PNRC1: variants seen among roughly 807,000 people sequenced by gnomAD.
The protein encoded by PNRC1 is proline rich nuclear receptor coactivator 1.
Under a neutral mutation model 20.2 loss-of-function variants are expected in PNRC1, and 6 were observed. That is an observed-to-expected ratio of 0.30 (90% CI 0.16 to 0.59). The LOEUF is 0.59. Ranked by LOEUF, PNRC1 falls within the 20% of genes least tolerant of loss-of-function variation. PNRC1 has a pLI of 0.89. For missense variants in PNRC1, 488 were observed against 430.2 expected, an observed-to-expected ratio of 1.13 and a Z score of -1.19; for synonymous variants, 202 against 186.9, an observed-to-expected ratio of 1.08 and a Z score of -0.66.
In PNRC1 at chr6:89,081,152, G is replaced by T; in HGVS notation, c.258G>T (p.Ala86=). 1 of 1,602,190 alleles carries T rather than the reference G, an allele frequency of 6.2e-7. No homozygotes were observed. Among genetic ancestry groups the T allele is most frequent in the Non-Finnish European group, 8.5e-7 (1 of 1,178,506 alleles). The part of the protein sequence containing the change: ...AALPNRSLAV[A]GGTPRAAPKK... ...TGCCCAACCGCAGCCTCGCCGTGGC[G>T]GGAGGCACTCCTCGGGCAGCGCCGA... is the stretch of plus-strand genomic sequence containing the variant. The change falls in exon 1 of 2, where the codon GCG becomes GCT. Residue 86 remains alanine, a synonymous_variant. Transcript: ENST00000336032.
chr6:89,081,902 G>A (rs1321770563), intron 1 of PNRC1: 1 of 152,452 alleles, frequency 6.6e-6, no homozygotes, highest in Non-Finnish European at 1.5e-5. Flanking sequence ...GCTATCGGGA[G>A]CCCCAGTCCT....
At position 89,081,030 on chromosome 6, in the gene PNRC1, C is replaced by G; in HGVS notation, c.136C>G (p.Pro46Ala). The G allele has an allele frequency of 6.2e-7, 1 of 1,611,716 alleles. No homozygotes were observed. The highest frequency in any genetic ancestry group is 8.5e-7 in the Non-Finnish European group (1 of 1,179,890). ...GGCTCCGCCTCCTTTACCCCGGATC[C>G]CGGACCCCCGGGCACTGCCCCCGAC... The part of the protein sequence containing the change: ...TTAPPPLPRI[P>A]DPRALPPTLF... Residue 46 changes from proline to alanine, a missense_variant, in exon 1 of 2, where the codon CCG (proline) becomes GCG (alanine). By Grantham distance (27) the Pro-to-Ala change is conservative. Coordinates refer to ENST00000336032, the MANE Select transcript of PNRC1 (RefSeq NM_006813.3).
chr6:89,081,327 G>A lies in PNRC1; in HGVS notation c.433G>A (p.Ala145Thr), dbSNP rs2231270. Residue 145 changes from alanine (A) to threonine (T), a missense_variant, in exon 1 of 2, where the codon GCC becomes ACC. Ala to Thr is a moderately conservative substitution (Grantham distance 58, BLOSUM62 0). Coordinates refer to ENST00000336032, the MANE Select transcript of PNRC1 (RefSeq NM_006813.3). ...SGAQEVPGPA[A>T]ALAPSPAAAA... Reference sequence around the variant, plus strand: ...AGCGCAGGAGGTCCCGGGCCCGGCCGCCGCCTTGGCCCCGAGTCCTGCAGC... The same window carrying A: ...AGCGCAGGAGGTCCCGGGCCCGGCCACCGCCTTGGCCCCGAGTCCTGCAGC... The A allele has an allele frequency of 1.4e-6, 2 of 1,462,424 alleles. No individual in the cohort carries two copies. Among genetic ancestry groups the A allele is most frequent in the South Asian group, 1.3e-5 (1 of 74,594 alleles). The allele number at this position is 1,462,424 out of a possible 1,614,324, so 90.6% of individuals were successfully genotyped here.
At chr6:89,081,476 C>T (rs979228885) in intron 1 of PNRC1, 42 bp downstream of exon 1, 14 of 941,780 alleles carry the variant, frequency 1.5e-5, no homozygotes, top group Admixed American at 1.9e-4. Context: ...GGCCCTTAGA[C>T]GGTCGCGGCC....
In PNRC1 at chr6:89,081,317, G is replaced by A. The variant is rs1222963790; in HGVS notation, c.423G>A (p.Pro141=). 1.4e-6 allele frequency: 2 copies of A among 1,467,968 alleles called. No homozygotes were observed. Among genetic ancestry groups the A allele is most frequent in the Non-Finnish European group, 1.8e-6 (2 of 1,121,022 alleles). 90.9% of individuals were successfully genotyped at this position (1,467,968 alleles called of 1,614,324 possible). Residue 141 remains proline, a synonymous_variant, in exon 1 of 2, where the codon CCG becomes CCA. Coordinates refer to ENST00000336032, the MANE Select transcript of PNRC1 (RefSeq NM_006813.3). Reference sequence around the variant, plus strand: ...GCCCGAGCGGAGCGCAGGAGGTCCCGGGCCCGGCCGCCGCCTTGGCCCCGA... The same window carrying A: ...GCCCGAGCGGAGCGCAGGAGGTCCCAGGCCCGGCCGCCGCCTTGGCCCCGA... ...ATGPSGAQEV[P]GPAAALAPSP...
intron 1 of PNRC1, among the ~76,000 whole-genome samples, chr6:89,083,002 G>GTTTTT (rs5878087): frequency 2.7e-5 from 4 of 150,098 alleles, no homozygotes; most frequent in Non-Finnish European, 5.9e-5. Context: ...TAAGTTTTTT[G>GTTTTT]TTGTTTTTTT....
chr6:89,083,725 ATTTAC>A, intron 1 of PNRC1, 23 bp from the exon 2 acceptor site: 1 of 1,504,688 alleles, frequency 6.6e-7, no homozygotes, highest in South Asian at 1.3e-5. Flanking sequence ...TAGAAACTAT[ATTTAC>A]TTTTGTGTTC....
Position 89,084,192 on chromosome 6 carries a change from CT to C in PNRC1, c.982del (p.Ter328ArgfsTer9). 1 of 1,570,320 alleles carries C rather than the reference CT, an allele frequency of 6.4e-7. No individual in the cohort carries two copies. The highest frequency in any genetic ancestry group is 8.6e-7 in the Non-Finnish European group (1 of 1,161,996). On this transcript the variant is annotated frameshift_variant, in exon 2 of 2. Transcript: ENST00000336032. LOFTEE classifies it high-confidence loss of function. ...TTAAAAACGCTCCTCAAAGTTCAAA[CT>C]TAGATTTCAGATTTCAGTATGTGTG... is the stretch of plus-strand genomic sequence containing the variant. ...VHLKTLLKVQ[T>X]
In PNRC1 at chr6:89,081,291, G is replaced by A; in HGVS notation, c.397G>A (p.Gly133Ser). ...GGAGGGCGGCCGGAGCCCCGCGACC[G>A]GCCCGAGCGGAGCGCAGGAGGTCCC... ...SLEGGRSPAT[G>S]PSGAQEVPGP... The change falls in exon 1 of 2, where the codon GGC becomes AGC. Residue 133 changes from glycine to serine, a missense_variant. Coordinates refer to ENST00000336032, the MANE Select transcript of PNRC1 (RefSeq NM_006813.3). The A allele has an allele frequency of 4.6e-6, 7 of 1,511,166 alleles. No individual in the cohort carries two copies. Among genetic ancestry groups the A allele is most frequent in the Non-Finnish European group, 5.3e-6 (6 of 1,139,366 alleles). 93.6% of individuals were successfully genotyped at this position (1,511,166 alleles called of 1,614,324 possible).
chr6:89,083,155 G>A (rs1025130786), intron 1 of PNRC1, among the ~76,000 whole-genome samples: 1 of 152,078 alleles, frequency 6.6e-6, no homozygotes, highest in African/African-American at 2.4e-5. Context: ...TACCACGCCG[G>A]GCTGATTTTT....
rs1242276994 is a variant in PNRC1, at chr6:89,084,354, A to G, written c.*158A>G. The G allele has an allele frequency of 1.6e-5, 9 of 580,248 alleles. No individual in the cohort carries two copies. Among genetic ancestry groups the G allele is most frequent in the Non-Finnish European group, 2.2e-5 (7 of 324,848 alleles). The allele number at this position is 580,248 out of a possible 1,614,324, so 35.9% of individuals were successfully genotyped here. A position where few individuals can be genotyped will look rare whatever the true frequency, so the allele number is the denominator to read the frequency against. On this transcript the variant is annotated 3_prime_UTR_variant, in exon 2 of 2. Coordinates refer to ENST00000336032, the MANE Select transcript of PNRC1 (RefSeq NM_006813.3). ...ACAAACAGCTTGTATTATATTTTAT[A>G]TTTTGTAAATACTGTATACCATGTA...
intron 1 of PNRC1, among the ~76,000 whole-genome samples, chr6:89,083,431 G>A (rs1768046490): frequency 6.6e-6 from 1 of 152,150 alleles, no homozygotes; most frequent in South Asian, 2.1e-4. Context: ...GTACCCAGTA[G>A]GTCCCCATCT....
Position 89,083,875 on chromosome 6 carries a change from A to G in PNRC1, c.663A>G (p.Pro221=), listed in dbSNP as rs746892783. The change falls in exon 2 of 2, where the codon CCA becomes CCG. Residue 221 remains proline (P), a synonymous_variant. Coordinates refer to ENST00000336032, the MANE Select transcript of PNRC1 (RefSeq NM_006813.3). ...GACAGAAAAGCAAATATAACTTGCC[A>G]CTAACCAAGATCACCTCTGCAAAAA... ...INRQKSKYNL[P]LTKITSAKRN... 6.2e-7 allele frequency: 1 copy of G among 1,614,196 alleles called. No individual in the cohort carries two copies. Among genetic ancestry groups the G allele is most frequent in the Non-Finnish European group, 8.5e-7 (1 of 1,180,020 alleles).
In PNRC1 at chr6:89,083,964, A is replaced by G. The variant is rs555301723; in HGVS notation, c.752A>G (p.Lys251Arg). 5.6e-5 allele frequency: 91 copies of G among 1,613,876 alleles called. No individual in the cohort carries two copies. The highest frequency in any genetic ancestry group is 7.5e-5 in the Non-Finnish European group (89 of 1,179,986). Reference sequence around the variant, plus strand: ...GACAGAATTCAGAAGCAGGAAAAAAAGCCTTTTAAAAATACCGAGAACATT... The same window carrying G: ...GACAGAATTCAGAAGCAGGAAAAAAGGCCTTTTAAAAATACCGAGAACATT... The part of the protein sequence containing the change: ...SSDRIQKQEK[K>R]PFKNTENIKN... The change falls in exon 2 of 2, where the codon AAG (lysine) becomes AGG (arginine). Residue 251 changes from lysine to arginine, a missense_variant. By Grantham distance (26) the Lys-to-Arg change is conservative. Coordinates refer to ENST00000336032, the MANE Select transcript of PNRC1 (RefSeq NM_006813.3).
Position 89,083,934 on chromosome 6 carries a change from C to G in PNRC1, c.722C>G (p.Ser241Ter). ...NENNFWQDSV[S>*]SDRIQKQEKK... is the part of the protein sequence containing the mutation. Reference sequence around the variant, plus strand: ...AACAACTTTTGGCAGGATTCTGTTTCATCTGACAGAATTCAGAAGCAGGAA... The same window carrying G: ...AACAACTTTTGGCAGGATTCTGTTTGATCTGACAGAATTCAGAAGCAGGAA... The change falls in exon 2 of 2, where the codon TCA becomes TGA. Residue 241 changes from serine (S) to a stop codon, truncating the protein, a stop_gained. Transcript: ENST00000336032. LOFTEE classifies it high-confidence loss of function. 1 of 1,614,092 alleles carries G rather than the reference C, an allele frequency of 6.2e-7. No homozygotes were observed. Among genetic ancestry groups the G allele is most frequent in the Non-Finnish European group, 8.5e-7 (1 of 1,179,984 alleles).
chr6:89,082,890 G>C (rs959155354), intron 1 of PNRC1, among the ~76,000 whole-genome samples: 14 of 152,158 alleles, frequency 9.2e-5, no homozygotes, highest in Admixed American at 9.2e-4. Context: ...TTTTTAGTTT[G>C]ACATTTTAGA....
chr6:89,083,646 A>G (rs927697706), intron 1 of PNRC1, 107 bp from the exon 2 acceptor site: 10 of 795,136 alleles, frequency 1.3e-5, no homozygotes, highest in African/African-American at 1.2e-4. Flanking sequence ...GTTCTTTTCT[A>G]TGGCTGTGGG....
At position 89,080,908 on chromosome 6, in the gene PNRC1, C is replaced by G; in HGVS notation, c.14C>G (p.Ser5Cys). 6.2e-7 allele frequency: 1 copy of G among 1,611,738 alleles called. No individual in the cohort carries two copies. The highest frequency in any genetic ancestry group is 8.5e-7 in the Non-Finnish European group (1 of 1,180,006). The change falls in exon 1 of 2, where the codon TCC becomes TGC. Residue 5 changes from serine to cysteine, a missense_variant. By Grantham distance (112) the Ser-to-Cys change is moderately radical. Transcript: ENST00000336032. MTVVSVPQREPLVLG... is the reference protein window; with the variant it reads MTVVCVPQREPLVLG... ...CTTCCTAGCGCTATGACTGTCGTCT[C>G]CGTCCCGCAGCGGGAGCCGCTCGTC...
At position 89,084,328 on chromosome 6, in the gene PNRC1, TA is replaced by T; in HGVS notation, c.*133del. The T allele has an allele frequency of 1.7e-6, 1 of 603,018 alleles. No individual in the cohort carries two copies. Among genetic ancestry groups the T allele is most frequent in the Non-Finnish European group, 2.9e-6 (1 of 340,306 alleles). 37.4% of individuals were successfully genotyped at this position (603,018 alleles called of 1,614,324 possible). A position where few individuals can be genotyped will look rare whatever the true frequency, so the allele number is the denominator to read the frequency against. ...CAAAAGATGAGTTTAAAAAATTACATACAAACAGCTTGTATTATATTTTATA... is the reference window on the plus strand; with the variant it reads ...CAAAAGATGAGTTTAAAAAATTACATCAAACAGCTTGTATTATATTTTATA... On this transcript the variant is annotated 3_prime_UTR_variant, in exon 2 of 2. Transcript: ENST00000336032.
Sources: allele counts gnomAD v4.1 joint callset (sites outside exome capture counted in the v4.1 genomes callset), GRCh38; gene constraint gnomAD v4.1.1; transcripts MANE v1.5; gene names NCBI Gene and HGNC (gene_info 2026-07-23, HGNC 2026-07-21).